Variants in CHRDL1 observed in about 807,000 individuals in gnomAD.
CHRDL1 encodes the protein chordin like 1.
A neutral mutation model predicts 40.9 loss-of-function variants in CHRDL1; 19 were observed. The observed-to-expected ratio is 0.46, with a 90% CI of 0.32 to 0.68. CHRDL1 has a LOEUF of 0.68. Among genes scored for constraint, CHRDL1 ranks in the 30% least tolerant of loss-of-function variants. The pLI is 0.03. For missense variants in CHRDL1, 329 were observed against 352.1 expected, an observed-to-expected ratio of 0.93 and a Z score of 0.53; for synonymous variants, 136 against 123.4, an observed-to-expected ratio of 1.10 and a Z score of -0.68.
In CHRDL1 at chrX:110,793,408, C is replaced by A. The variant is rs757863360; in HGVS notation, c.-34-1193G>T. 1.1e-4 allele frequency among the ~76,000 whole-genome samples: 12 copies of A among 111,382 alleles called. No homozygotes were observed. The East Asian group carries it at 2.8e-3, about 26-fold the overall frequency. ...TGCTATCAAACAAGATTTGCAGCAC[C>A]GTCTGCCTTCCTTCTTTACCTCCTC... On this transcript the variant is annotated intron_variant, in intron 1 of 11. Coordinates refer to ENST00000372042, the MANE Select transcript of CHRDL1 (RefSeq NM_001143981.2).
Position 110,795,748 on chromosome X carries a change from G to A in CHRDL1, c.-39C>T, listed in dbSNP as rs984014073. ...CGCCGGGCACTGCTCACTAACCTGG[G>A]CACTGGCCTTCTCCGTCTGCCACGC... On this transcript the variant is annotated 5_prime_UTR_variant, in exon 1 of 12. Transcript: ENST00000372042. The A allele has an allele frequency of 2.2e-4, 25 of 113,087 alleles. No individual in the cohort carries two copies. The highest frequency in any genetic ancestry group is 7.4e-4 in the African/African-American group (23 of 31,060). The allele number at this position is 113,087 out of a possible 1,213,427, so 9.3% of individuals were successfully genotyped here.
At chrX:110,732,749 T>C (rs950926827) in intron 4 of CHRDL1, among the ~76,000 whole-genome samples, 1 of 108,836 alleles carries the variant, frequency 9.2e-6, no homozygotes, top group Admixed American at 9.8e-5. Context: ...CAAAGAGTGC[T>C]TGCAAATGGC....
rs183829783 is a variant in CHRDL1 at position 110,676,028 on chromosome X, T to A, written c.*203A>T. The A allele has an allele frequency of 1.4e-4, 44 of 318,062 alleles. No homozygotes were observed. The East Asian group carries it at 1.8e-3, about 13-fold the overall frequency. The allele number at this position is 318,062 out of a possible 1,213,427, so 26.2% of individuals were successfully genotyped here. A position where few individuals can be genotyped will look rare whatever the true frequency, so the allele number is the denominator to read the frequency against. ...CCTCCTCCCACATATAATTTAAGACTCTTCTAGTCTCTTTGGAGGAGATGT... is the reference window on the plus strand; with the variant it reads ...CCTCCTCCCACATATAATTTAAGACACTTCTAGTCTCTTTGGAGGAGATGT... On this transcript the variant is annotated 3_prime_UTR_variant, in exon 12 of 12. Transcript: ENST00000372042.
At chrX:110,713,246 G>A (rs2070777285) in intron 6 of CHRDL1, among the ~76,000 whole-genome samples, 1 of 111,625 alleles carries the variant, frequency 9.0e-6, no homozygotes, top group Non-Finnish European at 1.9e-5. Context: ...ATATCATGAC[G>A]TGGTGTCTAT....
intron 4 of CHRDL1, among the ~76,000 whole-genome samples, chrX:110,722,240 G>A (rs868643536): frequency 1.8e-5 from 2 of 109,958 alleles, no homozygotes; most frequent in Non-Finnish European, 3.8e-5. Flanking sequence ...CAATTGATCC[G>A]CCTGCCCCAT....
At chrX:110,717,838 C>T (rs749943149) in intron 6 of CHRDL1, among the ~76,000 whole-genome samples, 1 of 111,687 alleles carries the variant, frequency 9.0e-6, no homozygotes, top group African/African-American at 3.3e-5. Context: ...TACACATCCC[C>T]CACCAGCAAA....
chrX:110,783,822 GT>G (rs1175297990), intron 2 of CHRDL1, among the ~76,000 whole-genome samples: 3 of 112,107 alleles, frequency 2.7e-5, no homozygotes, highest in Non-Finnish European at 5.6e-5. Context: ...TGCCATCAAT[GT>G]TTTGCCAATC....
chrX:110,696,170 A>G (rs1306839021), intron 7 of CHRDL1, among the ~76,000 whole-genome samples: 3 of 111,453 alleles, frequency 2.7e-5, no homozygotes, highest in Non-Finnish European at 5.6e-5. Flanking sequence ...CTGGGATAGA[A>G]TTAGAGAGGG....
At position 110,700,738 on chromosome X, in the gene CHRDL1, A is replaced by G. The variant is rs1423449820; in HGVS notation, c.542-17T>C. The G allele has an allele frequency of 9.5e-7, 1 of 1,058,003 alleles. No individual in the cohort carries two copies. Among genetic ancestry groups the G allele is most frequent in the South Asian group, 1.9e-5 (1 of 53,469 alleles). The allele number at this position is 1,058,003 out of a possible 1,213,427, so 87.2% of individuals were successfully genotyped here. The stretch of plus-strand genomic sequence containing the variant: ...CTCCATCTCCTGTTTATTAAAAAGA[A>G]ATAAGGAGAAAATCATACATTCATA... On this transcript the variant is annotated splice_polypyrimidine_tract_variant and intron_variant, in intron 6 of 11. Coordinates refer to ENST00000372042, the MANE Select transcript of CHRDL1 (RefSeq NM_001143981.2).
intron 7 of CHRDL1, among the ~76,000 whole-genome samples, chrX:110,700,339 T>C (rs1053642163): frequency 3.6e-5 from 4 of 111,684 alleles, no homozygotes; most frequent in Non-Finnish European, 7.5e-5. Flanking sequence ...CTGTTGAGGA[T>C]AGGAGTGACC....
intron 2 of CHRDL1, among the ~76,000 whole-genome samples, chrX:110,787,700 C>T (rs2090038422): frequency 8.9e-6 from 1 of 111,974 alleles, no homozygotes; most frequent in African/African-American, 3.2e-5. Flanking sequence ...TCCAGAGGCC[C>T]ACTTTTAGCC....
chrX:110,727,096 C>T (rs893516832), intron 4 of CHRDL1, among the ~76,000 whole-genome samples: 13 of 112,001 alleles, frequency 1.2e-4, no homozygotes, highest in Non-Finnish European at 2.4e-4. Flanking sequence ...CATAAAGGTT[C>T]ATAATGGAAG....
chrX:110,696,722 A>G (rs1028986269), intron 7 of CHRDL1, among the ~76,000 whole-genome samples: 1 of 111,333 alleles, frequency 9.0e-6, no homozygotes, highest in Admixed American at 9.6e-5. Context: ...GAGCTGTAAA[A>G]AATACTCATA....
At chrX:110,730,007 G>A (rs1325918705) in intron 4 of CHRDL1, among the ~76,000 whole-genome samples, 1 of 112,061 alleles carries the variant, frequency 8.9e-6, no homozygotes, top group Admixed American at 9.4e-5. Context: ...AGGGCAGAAA[G>A]CAGGCTGGTA....
chrX:110,697,565 C>T lies in CHRDL1; in HGVS notation c.609+3089G>A, dbSNP rs757315309. On this transcript the variant is annotated intron_variant, in intron 7 of 11. Coordinates refer to ENST00000372042, the MANE Select transcript of CHRDL1 (RefSeq NM_001143981.2). ...ACTACCAACCTAGGACTATCTCTGG[C>T]TGGAAGACACTTAGGCCAATTTCCT... Among the ~76,000 whole-genome samples, 10 of 110,692 alleles carry T rather than the reference C, an allele frequency of 9.0e-5. No homozygotes were observed. The East Asian group carries it at 2.6e-3, about 28-fold the overall frequency.
chrX:110,681,658 A>G lies in CHRDL1; in HGVS notation c.989-9T>C, dbSNP rs1390919220. On this transcript the variant is annotated splice_polypyrimidine_tract_variant and intron_variant, in intron 9 of 11. Transcript: ENST00000372042. ...TTGGCCTGGAAGTTCTTCTGGAATCAGGAAGCAAGTAGAATTTTGTCATGG... is the reference window on the plus strand; with the variant it reads ...TTGGCCTGGAAGTTCTTCTGGAATCGGGAAGCAAGTAGAATTTTGTCATGG... The G allele has an allele frequency of 8.4e-7, 1 of 1,184,880 alleles. No individual in the cohort carries two copies. Among genetic ancestry groups the G allele is most frequent in the Non-Finnish European group, 1.1e-6 (1 of 876,646 alleles).
intron 8 of CHRDL1, among the ~76,000 whole-genome samples, chrX:110,689,237 T>C (rs1254128480): frequency 2.8e-5 from 2 of 71,060 alleles, no homozygotes; most frequent in African/African-American, 1.1e-4. Context: ...GGGACTAACA[T>C]GCACCACCAT....
chrX:110,680,338 A>G (rs1325075961), intron 10 of CHRDL1, among the ~76,000 whole-genome samples: 2 of 112,010 alleles, frequency 1.8e-5, no homozygotes, highest in African/African-American at 6.5e-5. Flanking sequence ...ATGGCAAATC[A>G]ACACTCCAAG....
chrX:110,781,425 T>G (rs1398806249), intron 2 of CHRDL1, among the ~76,000 whole-genome samples: 1 of 111,475 alleles, frequency 9.0e-6, no homozygotes, highest in Non-Finnish European at 1.9e-5. Context: ...TTTGTAGGTT[T>G]AAATCCACAT....
Sources: gnomAD v4.1 joint callset for allele counts (sites outside exome capture counted in the v4.1 genomes callset) on GRCh38, gnomAD v4.1.1 for gene constraint, MANE v1.5 for transcripts, NCBI Gene and HGNC (gene_info 2026-07-23, HGNC 2026-07-21) for gene names.